COL23A1: variants seen among roughly 807,000 people sequenced by gnomAD.
COL23A1 encodes collagen alpha-1(XXIII) chain.
A neutral mutation model predicts 99.3 loss-of-function variants in COL23A1; 97 were observed. The observed-to-expected ratio is 0.98, with a 90% CI of 0.83 to 1.16. The LOEUF (loss-of-function observed/expected upper bound fraction) is 1.16. Ranked by LOEUF, COL23A1 falls within the 50% of genes most tolerant of loss-of-function variation. The pLI is 0.00. For missense variants in COL23A1, 762 were observed against 757.4 expected (o/e 1.01, Z -0.07); for synonymous variants, 320 against 308.2 (o/e 1.04, Z -0.40).
chr5:178,453,532 A>G lies in COL23A1; in HGVS notation c.361+107150T>C, dbSNP rs575971954. 6.6e-5 allele frequency among the ~76,000 whole-genome samples: 10 copies of G among 152,270 alleles called. No homozygotes were observed. The East Asian group carries it at 1.9e-3, about 29-fold the overall frequency. On this transcript the variant is annotated intron_variant, in intron 2 of 28. Transcript: ENST00000390654. ...CTGCAGGATTCATCCTGAAGCACCC[A>G]CGCTTCAGCTGACCAAGGAATCTAC...
intron 2 of COL23A1, among the ~76,000 whole-genome samples, chr5:178,460,546 A>T (rs1012356619): frequency 4.6e-5 from 7 of 152,320 alleles, no homozygotes; most frequent in South Asian, 4.1e-4. Context: ...AAAGATGTCC[A>T]AATCCTGGTG....
At chr5:178,413,142 T>C (rs1765135092) in intron 2 of COL23A1, among the ~76,000 whole-genome samples, 1 of 152,054 alleles carries the variant, frequency 6.6e-6, no homozygotes. Flanking sequence ...ATGACTGTCA[T>C]AGCATTCCAG....
rs1343609727 is a variant in COL23A1, at chr5:178,256,924, T to C, written c.779A>G (p.Glu260Gly). ...TCCCCGAGGCCCCATGCTCCCTGGC[T>C]CGCCCTGAAACAGACACAGCTGCAG... The part of the protein sequence containing the change: ...SQPGPPGPKG[E>G]PGSMGPRGEN... The change falls in exon 14 of 29, where the codon GAG becomes GGG. Residue 260 changes from glutamate to glycine, a missense_variant. Coordinates refer to ENST00000390654, the MANE Select transcript of COL23A1 (RefSeq NM_173465.4). The C allele has an allele frequency of 6.2e-7, 1 of 1,613,490 alleles. No individual in the cohort carries two copies. The highest frequency in any genetic ancestry group is 1.1e-5 in the South Asian group (1 of 90,980).
chr5:178,547,310 G>T (rs983358987), intron 2 of COL23A1, among the ~76,000 whole-genome samples: 4 of 151,944 alleles, frequency 2.6e-5, no homozygotes, highest in African/African-American at 9.7e-5. Context: ...CTCTATGACC[G>T]GCAGTGAGAA....
chr5:178,274,174 T>G (rs748123610), intron 5 of COL23A1, among the ~76,000 whole-genome samples: 1 of 152,364 alleles, frequency 6.6e-6, no homozygotes, highest in Admixed American at 6.5e-5. Flanking sequence ...GAAAGGACAG[T>G]GCTCCTTCCA....
chr5:178,472,639 G>A (rs534925561), intron 2 of COL23A1, among the ~76,000 whole-genome samples: 1 of 152,086 alleles, frequency 6.6e-6, no homozygotes, highest in South Asian at 2.1e-4. Flanking sequence ...CCCCTTAAAG[G>A]TAAGTGTTAG....
At chr5:178,491,008 G>T (rs1757902400) in intron 2 of COL23A1, among the ~76,000 whole-genome samples, 1 of 151,996 alleles carries the variant, frequency 6.6e-6, no homozygotes, top group Non-Finnish European at 1.5e-5. Context: ...GGGGAGTGGG[G>T]AGAGACAGCG....
At chr5:178,251,915 T>A (rs925534277) in intron 17 of COL23A1, among the ~76,000 whole-genome samples, 4 of 135,980 alleles carry the variant, frequency 2.9e-5, no homozygotes, top group Non-Finnish European at 6.7e-5. Flanking sequence ...TTTTCTTTTT[T>A]TTTTTTTTTT....
Position 178,590,340 on chromosome 5 carries a change from G to T in COL23A1, c.-143C>A. On this transcript the variant is annotated 5_prime_UTR_variant, in exon 1 of 29. Coordinates refer to ENST00000390654, the MANE Select transcript of COL23A1 (RefSeq NM_173465.4). The surrounding 1 kb of genome is among the most constrained non-coding windows in gnomAD (Gnocchi z 5.7). ...CCTCCGGGTAGCAGCGGATCGCCGCGCACGCCCCCTTCGCCGCAGCCAGCT... is the reference window on the plus strand; with the variant it reads ...CCTCCGGGTAGCAGCGGATCGCCGCTCACGCCCCCTTCGCCGCAGCCAGCT... 1 of 689,624 alleles carries T rather than the reference G, an allele frequency of 1.5e-6. No homozygotes were observed. The highest frequency in any genetic ancestry group is 1.9e-6 in the Non-Finnish European group (1 of 515,500). 42.7% of individuals were successfully genotyped at this position (689,624 alleles called of 1,614,324 possible). A position where few individuals can be genotyped will look rare whatever the true frequency, so the allele number is the denominator to read the frequency against.
intron 2 of COL23A1, among the ~76,000 whole-genome samples, chr5:178,336,747 A>T (rs1004824485): frequency 5.3e-5 from 8 of 152,256 alleles, no homozygotes; most frequent in African/African-American, 1.7e-4. Flanking sequence ...CAATAATTTT[A>T]AAAAAGAATC....
intron 2 of COL23A1, among the ~76,000 whole-genome samples, chr5:178,450,884 C>T (rs896807829): frequency 2.0e-4 from 31 of 152,224 alleles, no homozygotes; most frequent in Admixed American, 1.7e-3. Flanking sequence ...TAAGAACACC[C>T]AGTTCAGGGC....
intron 2 of COL23A1, among the ~76,000 whole-genome samples, chr5:178,425,918 C>G (rs964130048): frequency 3.3e-5 from 5 of 152,198 alleles, no homozygotes; most frequent in African/African-American, 4.8e-5. Context: ...TGGGGGCCAG[C>G]CGCTCCCGAT....
intron 2 of COL23A1, among the ~76,000 whole-genome samples, chr5:178,413,659 G>T (rs1336884615): frequency 6.6e-6 from 1 of 152,198 alleles, no homozygotes; most frequent in African/African-American, 2.4e-5. Context: ...AGAAGTTCCA[G>T]ATGAGATGGA....
chr5:178,289,677 T>A (rs1426200596), intron 4 of COL23A1, among the ~76,000 whole-genome samples: 3 of 152,168 alleles, frequency 2.0e-5, no homozygotes, highest in Non-Finnish European at 2.9e-5. Flanking sequence ...CACTGAAGCA[T>A]TTAGAAACGT....
intron 8 of COL23A1, chr5:178,265,750 G>A: frequency 2.0e-6 from 2 of 978,744 alleles, no homozygotes; most frequent in Non-Finnish European, 2.4e-6. Flanking sequence ...AGGTTGTGTG[G>A]TCAGAAAGGC....
intron 5 of COL23A1, among the ~76,000 whole-genome samples, chr5:178,277,587 T>C (rs561546576): frequency 6.6e-6 from 1 of 152,370 alleles, no homozygotes; most frequent in Admixed American, 6.5e-5. Context: ...TTTGTAACCC[T>C]TGGCCTAGAA....
At chr5:178,351,522 G>C (rs1424921067) in intron 2 of COL23A1, among the ~76,000 whole-genome samples, 2 of 152,178 alleles carry the variant, frequency 1.3e-5, no homozygotes, top group Non-Finnish European at 2.9e-5. Flanking sequence ...GGACCCCCAG[G>C]GGCCAGTGAG....
At chr5:178,346,483 G>A (rs997182099) in intron 2 of COL23A1, among the ~76,000 whole-genome samples, 3 of 152,252 alleles carry the variant, frequency 2.0e-5, no homozygotes, top group Non-Finnish European at 2.9e-5. Context: ...TGATCCACCC[G>A]CCTTGGTCTC....
At chr5:178,321,312 A>C (rs1759290984) in intron 2 of COL23A1, among the ~76,000 whole-genome samples, 1 of 151,968 alleles carries the variant, frequency 6.6e-6, no homozygotes, top group Admixed American at 6.6e-5. Flanking sequence ...CTCTCTCCCC[A>C]TGGCTACTAG....
Sources: allele counts gnomAD v4.1 joint callset (sites outside exome capture counted in the v4.1 genomes callset), GRCh38; gene constraint gnomAD v4.1.1; non-coding constraint Gnocchi (gnomAD v3.1); transcripts MANE v1.5; gene names NCBI Gene and HGNC (gene_info 2026-07-23, HGNC 2026-07-21).